The following NTM variants were observed in gnomAD, a reference collection of about 807,000 sequenced individuals.
NTM encodes the protein IgLON family member 2.
A neutral mutation model predicts 42.1 loss-of-function variants in NTM; 13 were observed. The ratio of observed to expected loss-of-function variants is 0.31; its 90% CI spans 0.20 to 0.49. The LOEUF is 0.49. Among genes scored for constraint, NTM ranks in the 20% least tolerant of loss-of-function variants. The pLI is 0.99. For synonymous variants in NTM, 187 were observed against 179.2 expected (o/e 1.04, Z -0.35); for missense variants, 373 against 452.8 (o/e 0.82, Z 1.60).
intron 1 of NTM, among the ~76,000 whole-genome samples, chr11:131,856,213 C>T (rs1056342238): frequency 3.3e-5 from 5 of 152,124 alleles, no homozygotes; most frequent in Middle Eastern, 3.2e-3. Context: ...ATTTTTTCCA[C>T]ATCTCACTGC....
At chr11:131,488,335 C>T (rs1421435213) in intron 1 of NTM, among the ~76,000 whole-genome samples, 2 of 152,158 alleles carry the variant, frequency 1.3e-5, no homozygotes, top group Non-Finnish European at 2.9e-5. Flanking sequence ...CAAGCCAGCC[C>T]CACTCACACT....
At chr11:132,130,377 A>G (rs538089082) in intron 2 of NTM, among the ~76,000 whole-genome samples, 1 of 152,162 alleles carries the variant, frequency 6.6e-6, no homozygotes, top group African/African-American at 2.4e-5. Flanking sequence ...AAGGTACCGC[A>G]TTTTCCATTC....
chr11:131,765,201 G>A (rs1353399108), intron 1 of NTM, among the ~76,000 whole-genome samples: 2 of 152,106 alleles, frequency 1.3e-5, no homozygotes, highest in Non-Finnish European at 1.5e-5. Flanking sequence ...CAGCCAGCCC[G>A]ATCACCTTAA....
At chr11:131,921,116 G>A (rs563044318) in intron 2 of NTM, among the ~76,000 whole-genome samples, 2 of 152,130 alleles carry the variant, frequency 1.3e-5, no homozygotes, top group African/African-American at 4.8e-5. Flanking sequence ...TGTGGTTTAC[G>A]GGTTGAATTT....
chr11:131,702,868 G>A (rs1159408957), intron 1 of NTM, among the ~76,000 whole-genome samples: 1 of 152,180 alleles, frequency 6.6e-6, no homozygotes, highest in Non-Finnish European at 1.5e-5. Context: ...TAAACGGTGA[G>A]TTTTAGGCAT....
At chr11:131,680,967 C>CTGTG (rs1335635183) in intron 1 of NTM, among the ~76,000 whole-genome samples, 3 of 18,046 alleles carry the variant, frequency 1.7e-4, no homozygotes, top group African/African-American at 7.1e-4. Flanking sequence ...GTTTCTGTGT[C>CTGTG]TGTATGTCTC....
At chr11:131,910,893 C>A (rs772842269) in intron 1 of NTM, 2 of 986,034 alleles carry the variant, frequency 2.0e-6, no homozygotes, top group Non-Finnish European at 2.4e-6. Flanking sequence ...CCGGATCGCA[C>A]GAAGCCCGCG....
chr11:132,132,878 A>G (rs2067083861), intron 2 of NTM, among the ~76,000 whole-genome samples: 1 of 152,212 alleles, frequency 6.6e-6, no homozygotes, highest in African/African-American at 2.4e-5. Flanking sequence ...CAGGTAAAAT[A>G]TATGAATGCA....
chr11:131,423,798 C>T lies in NTM; in HGVS notation c.82+52910C>T, dbSNP rs78844735. ...GTAATAAAGTATCTCGTTCTGTCTG[C>T]ATTGTCAGTCAGGGTGCAGCACCTT... is the stretch of plus-strand genomic sequence containing the variant. On this transcript the variant is annotated intron_variant, in intron 1 of 8. Coordinates refer to ENST00000683400, the MANE Select transcript of NTM (RefSeq NM_001352005.2). 6.4e-3 allele frequency among the ~76,000 whole-genome samples: 981 copies of T among 152,310 alleles called. 15 individuals carry two copies. The highest frequency in any genetic ancestry group is 0.023 in the African/African-American group (946 of 41,562).
intron 1 of NTM, among the ~76,000 whole-genome samples, chr11:131,439,772 G>A (rs921811560): frequency 7.2e-5 from 11 of 152,168 alleles, no homozygotes; most frequent in African/African-American, 2.4e-4. Context: ...TCTCAGGTGA[G>A]GCGATGCCCT....
At chr11:132,187,596 C>T (rs1354734844) in intron 3 of NTM, among the ~76,000 whole-genome samples, 5 of 152,138 alleles carry the variant, frequency 3.3e-5, no homozygotes, top group Admixed American at 2.6e-4. Flanking sequence ...CAGCTAACTA[C>T]CCTGTGCTGC....
intron 2 of NTM, among the ~76,000 whole-genome samples, chr11:132,079,015 G>A (rs540571253): frequency 6.6e-6 from 1 of 152,292 alleles, no homozygotes; most frequent in African/African-American, 2.4e-5. Flanking sequence ...AGGACCGACA[G>A]CATCATGGGG....
chr11:131,609,952 A>T (rs2061337283), intron 1 of NTM, among the ~76,000 whole-genome samples: 1 of 152,208 alleles, frequency 6.6e-6, no homozygotes, highest in Non-Finnish European at 1.5e-5. Context: ...GAAGGTGGGT[A>T]TCCCTGCTCT....
intron 7 of NTM, among the ~76,000 whole-genome samples, chr11:132,317,908 G>C (rs1286604626): frequency 6.6e-6 from 1 of 150,500 alleles, no homozygotes; most frequent in East Asian, 1.9e-4. Context: ...CTGGGAAGGG[G>C]AAAGAAAGAA....
chr11:132,326,767 G>A (rs969636812), intron 7 of NTM, among the ~76,000 whole-genome samples: 2 of 152,156 alleles, frequency 1.3e-5, no homozygotes, highest in African/African-American at 4.8e-5. Context: ...TTGCACCTGG[G>A]CTCATTTACT....
chr11:131,416,920 G>T (rs563894577), intron 1 of NTM, among the ~76,000 whole-genome samples: 54 of 152,324 alleles, frequency 3.5e-4, no homozygotes, highest in African/African-American at 1.3e-3. Context: ...GTGGCGAAAT[G>T]ATCAGTAGAC....
At chr11:131,918,053 A>C (rs2056670602) in intron 2 of NTM, among the ~76,000 whole-genome samples, 1 of 152,160 alleles carries the variant, frequency 6.6e-6, no homozygotes, top group African/African-American at 2.4e-5. Flanking sequence ...CCCTCTTTTA[A>C]ATGCATTGCG....
chr11:131,446,282 CT>C (rs779953781), intron 1 of NTM, among the ~76,000 whole-genome samples: 2 of 152,176 alleles, frequency 1.3e-5, no homozygotes, highest in African/African-American at 2.4e-5. Context: ...TAGGAGAGAA[CT>C]TCCCAGGCCC....
At chr11:131,656,148 A>C (rs2067157482) in intron 1 of NTM, among the ~76,000 whole-genome samples, 1 of 152,200 alleles carries the variant, frequency 6.6e-6, no homozygotes, top group African/African-American at 2.4e-5. Context: ...GGCATAGAGG[A>C]GACATGGGTA....
Sources: gnomAD v4.1 joint callset for allele counts (sites outside exome capture counted in the v4.1 genomes callset) on GRCh38, gnomAD v4.1.1 for gene constraint, MANE v1.5 for transcripts, NCBI Gene and HGNC (gene_info 2026-07-23, HGNC 2026-07-21) for gene names.